The following SLC8A3 variants were observed in gnomAD, a reference collection of about 807,000 sequenced individuals.
SLC8A3 encodes the protein sodium/calcium exchanger 3.
Under a neutral mutation model 65.4 loss-of-function variants are expected in SLC8A3, and 37 were observed. The ratio of observed to expected loss-of-function variants is 0.57; its 90% CI spans 0.44 to 0.74. The LOEUF (loss-of-function observed/expected upper bound fraction) is 0.74. Ranked by LOEUF, SLC8A3 falls within the 30% of genes least tolerant of loss-of-function variation. The pLI, the probability that SLC8A3 is intolerant of heterozygous loss-of-function variation, is 0.00. For synonymous variants in SLC8A3, 461 were observed against 444.5 expected, an observed-to-expected ratio of 1.04 and a Z score of -0.47; for missense variants, 1,112 against 1,172.1, an observed-to-expected ratio of 0.95 and a Z score of 0.75.
chr14:70,052,917 G>A (rs1887666701), intron 3 of SLC8A3, among the ~76,000 whole-genome samples: 1 of 152,198 alleles, frequency 6.6e-6, no homozygotes. Context: ...AGGCCAAGAA[G>A]GTCTTTTGTC....
chr14:70,118,340 A>G (rs980932262), intron 2 of SLC8A3, among the ~76,000 whole-genome samples: 23 of 152,168 alleles, frequency 1.5e-4, no homozygotes, highest in African/African-American at 4.8e-4. Flanking sequence ...ACCCTCTGAC[A>G]CCTTGCGTTC....
chr14:70,105,935 T>A (rs1566783216), intron 2 of SLC8A3, among the ~76,000 whole-genome samples: 2 of 152,146 alleles, frequency 1.3e-5, no homozygotes, highest in Admixed American at 6.5e-5. Context: ...TTGCTTCACA[T>A]TTGAAAAATC....
At chr14:70,185,405 A>G (rs1883117186) in intron 1 of SLC8A3, among the ~76,000 whole-genome samples, 1 of 152,228 alleles carries the variant, frequency 6.6e-6, no homozygotes, top group Non-Finnish European at 1.5e-5. Flanking sequence ...CATAAGTAAT[A>G]TCAACAACTG....
chr14:70,050,640 G>A (rs773673125), intron 5 of SLC8A3, among the ~76,000 whole-genome samples: 15 of 152,088 alleles, frequency 9.9e-5, no homozygotes, highest in Admixed American at 2.0e-4. Flanking sequence ...ACAGAAGAGC[G>A]GGACCAAACC....
intron 2 of SLC8A3, among the ~76,000 whole-genome samples, chr14:70,094,445 C>G (rs1892019600): frequency 6.6e-6 from 1 of 152,238 alleles, no homozygotes; most frequent in Admixed American, 6.5e-5. Flanking sequence ...ATTACGACGT[C>G]TTACATTTCT....
chr14:70,063,737 G>A (rs1889079113), intron 2 of SLC8A3: 1 of 739,228 alleles, frequency 1.4e-6, no homozygotes, highest in Non-Finnish European at 2.4e-6. Flanking sequence ...GAAGACAAGA[G>A]GAGGAGGAGA....
chr14:70,164,608 A>G (rs1897064041), intron 2 of SLC8A3, among the ~76,000 whole-genome samples: 1 of 152,190 alleles, frequency 6.6e-6, no homozygotes, highest in African/African-American at 2.4e-5. Context: ...CAGAGACCCT[A>G]GGTGCATAAT....
intron 2 of SLC8A3, among the ~76,000 whole-genome samples, chr14:70,068,792 A>G (rs1889718030): frequency 1.3e-5 from 2 of 152,128 alleles, no homozygotes; most frequent in South Asian, 2.1e-4. Flanking sequence ...CAGTGGCACA[A>G]TCTGGCTCAC....
intron 1 of SLC8A3, among the ~76,000 whole-genome samples, chr14:70,174,252 A>G (rs1473297366): frequency 6.6e-6 from 1 of 152,228 alleles, no homozygotes; most frequent in African/African-American, 2.4e-5. Flanking sequence ...GAAGCTCTAC[A>G]TACAGGCAGA....
At chr14:70,114,426 A>G (rs1410641335) in intron 2 of SLC8A3, among the ~76,000 whole-genome samples, 1 of 152,174 alleles carries the variant, frequency 6.6e-6, no homozygotes, top group Non-Finnish European at 1.5e-5. Flanking sequence ...ACTACCTGCA[A>G]CAGTATTCAA....
intron 1 of SLC8A3, among the ~76,000 whole-genome samples, chr14:70,182,558 G>GAC (rs1391200968): frequency 2.0e-5 from 1 of 48,804 alleles, no homozygotes; most frequent in East Asian, 3.6e-4. Context: ...CAGGGAGAGA[G>GAC]AGAGAGAAAG....
At chr14:70,153,615 A>G (rs1462563856) in intron 2 of SLC8A3, among the ~76,000 whole-genome samples, 1 of 152,198 alleles carries the variant, frequency 6.6e-6, no homozygotes, top group African/African-American at 2.4e-5. Flanking sequence ...CCCTGAGGAC[A>G]GGGACTGTGC....
At chr14:70,150,164 C>A (rs767264480) in intron 2 of SLC8A3, among the ~76,000 whole-genome samples, 8 of 152,146 alleles carry the variant, frequency 5.3e-5, no homozygotes, top group African/African-American at 1.9e-4. Flanking sequence ...GTACATCATA[C>A]CCCTGGTGAG....
chr14:70,179,489 T>G (rs1166748280), intron 1 of SLC8A3, among the ~76,000 whole-genome samples: 2 of 152,118 alleles, frequency 1.3e-5, no homozygotes, highest in East Asian at 3.9e-4. Context: ...ATTAAGTGAT[T>G]CTGGAAAGAT....
intron 2 of SLC8A3, among the ~76,000 whole-genome samples, chr14:70,066,826 A>AAAC (rs1016312643): frequency 1.3e-5 from 2 of 152,142 alleles, no homozygotes; most frequent in African/African-American, 2.4e-5. Context: ...AAAACAAAAC[A>AAAC]AACAACAACA....
intron 2 of SLC8A3, among the ~76,000 whole-genome samples, chr14:70,163,114 T>C (rs976887609): frequency 1.3e-5 from 2 of 152,246 alleles, no homozygotes; most frequent in Admixed American, 1.3e-4. Flanking sequence ...AGCTAGTACA[T>C]AGCAAATATC....
intron 2 of SLC8A3, among the ~76,000 whole-genome samples, chr14:70,137,483 G>T (rs1566804293): frequency 6.6e-6 from 1 of 152,096 alleles, no homozygotes; most frequent in Non-Finnish European, 1.5e-5. Flanking sequence ...AAAAGTACTG[G>T]GGTAGCTGGC....
chr14:70,093,000 C>A (rs930148944), intron 2 of SLC8A3, among the ~76,000 whole-genome samples: 2 of 152,148 alleles, frequency 1.3e-5, no homozygotes, highest in Admixed American at 1.3e-4. Context: ...GAAACATTGG[C>A]ATTGTTAGTT....
intron 2 of SLC8A3, among the ~76,000 whole-genome samples, chr14:70,089,048 T>C (rs1341981694): frequency 6.6e-6 from 1 of 152,230 alleles, no homozygotes; most frequent in Non-Finnish European, 1.5e-5. Flanking sequence ...GCTGAAGTTA[T>C]CTGTTCAAGT....
Sources: gnomAD v4.1 joint callset for allele counts (sites outside exome capture counted in the v4.1 genomes callset) on GRCh38, gnomAD v4.1.1 for gene constraint, MANE v1.5 for transcripts, NCBI Gene and HGNC (gene_info 2026-07-23, HGNC 2026-07-21) for gene names.